The following PTPRK variants were observed in gnomAD, a reference collection of about 807,000 sequenced individuals.
PTPRK encodes the protein receptor-type tyrosine-protein phosphatase kappa.
PTPRK carries 75 observed loss-of-function variants against 178.0 expected under a neutral mutation model. The ratio of observed to expected loss-of-function variants is 0.42; its 90% CI spans 0.35 to 0.51. PTPRK has a LOEUF of 0.51. Among genes scored for constraint, PTPRK ranks in the 20% least tolerant of loss-of-function variants. PTPRK has a pLI of 0.02. For synonymous variants in PTPRK, 637 were observed against 620.6 expected (o/e 1.03, Z -0.39); for missense variants, 1,441 against 1,797.8 (o/e 0.80, Z 3.59).
chr6:128,130,062 T>C (rs1793979860), intron 7 of PTPRK, among the ~76,000 whole-genome samples: 1 of 152,178 alleles, frequency 6.6e-6, no homozygotes, highest in African/African-American at 2.4e-5. Flanking sequence ...GTTAGAGTTA[T>C]GATATGGTAT....
chr6:128,440,602 TGC>T (rs1387788229), intron 1 of PTPRK, among the ~76,000 whole-genome samples: 11 of 152,316 alleles, frequency 7.2e-5, no homozygotes, highest in African/African-American at 2.6e-4. Context: ...TATATCTGTA[TGC>T]GTGTGTGTAT....
chr6:128,045,466 C>T (rs1001881653), intron 13 of PTPRK, among the ~76,000 whole-genome samples: 4 of 151,950 alleles, frequency 2.6e-5, no homozygotes, highest in Admixed American at 1.3e-4. Flanking sequence ...AAGTTTTCTT[C>T]CTGTATTTTG....
At chr6:128,016,730 C>T (rs889072369) in intron 13 of PTPRK, among the ~76,000 whole-genome samples, 1 of 151,710 alleles carries the variant, frequency 6.6e-6, no homozygotes, top group Non-Finnish European at 1.5e-5. Context: ...TTCAAAAATC[C>T]TCTTTTTTAT....
chr6:128,361,794 C>A (rs979623943), intron 2 of PTPRK, among the ~76,000 whole-genome samples: 3 of 152,096 alleles, frequency 2.0e-5, no homozygotes, highest in Non-Finnish European at 4.4e-5. Context: ...TTGACCAAAA[C>A]ATCATTATGT....
chr6:128,074,295 T>C (rs187602418), intron 11 of PTPRK, among the ~76,000 whole-genome samples: 1 of 152,206 alleles, frequency 6.6e-6, no homozygotes, highest in African/African-American at 2.4e-5. Context: ...TATTCATTTA[T>C]TAACTTTACA....
chr6:128,341,305 T>C (rs1831627809), intron 2 of PTPRK, among the ~76,000 whole-genome samples: 3 of 152,170 alleles, frequency 2.0e-5, no homozygotes, highest in African/African-American at 4.8e-5. Flanking sequence ...GTTAAAAATA[T>C]GTAATTTTTT....
At chr6:128,105,736 A>G (rs1375954666) in intron 7 of PTPRK, among the ~76,000 whole-genome samples, 3 of 152,214 alleles carry the variant, frequency 2.0e-5, no homozygotes, top group African/African-American at 7.2e-5. Flanking sequence ...GTTACACTCT[A>G]GAACAGATGC....
At chr6:128,015,612 A>T (rs911858773) in intron 13 of PTPRK, among the ~76,000 whole-genome samples, 1 of 151,782 alleles carries the variant, frequency 6.6e-6, no homozygotes, top group Non-Finnish European at 1.5e-5. Context: ...CAAGAGGAAA[A>T]GGCAAAAGTT....
At chr6:128,467,614 T>A (rs1211453303) in intron 1 of PTPRK, among the ~76,000 whole-genome samples, 1 of 152,234 alleles carries the variant, frequency 6.6e-6, no homozygotes, top group African/African-American at 2.4e-5. Context: ...GATCACTTAC[T>A]TCTCTTCATG....
At chr6:128,470,204 G>C (rs1279374604) in intron 1 of PTPRK, among the ~76,000 whole-genome samples, 1 of 151,522 alleles carries the variant, frequency 6.6e-6, no homozygotes, top group African/African-American at 2.4e-5. Context: ...GGAACTCATG[G>C]TCTATTTCAG....
intron 2 of PTPRK, among the ~76,000 whole-genome samples, chr6:128,336,765 CT>C (rs1363977736): frequency 6.6e-6 from 1 of 152,118 alleles, no homozygotes; most frequent in Admixed American, 6.6e-5. Flanking sequence ...ACTTCTTTTC[CT>C]TTACAATGAT....
At chr6:128,291,654 G>C (rs1408673736) in intron 3 of PTPRK, among the ~76,000 whole-genome samples, 9 of 152,054 alleles carry the variant, frequency 5.9e-5, no homozygotes, top group Admixed American at 5.2e-4. Flanking sequence ...TGGTTATAAT[G>C]AGCAATCTCT....
intron 13 of PTPRK, among the ~76,000 whole-genome samples, chr6:128,046,867 C>T (rs1778110440): frequency 6.6e-6 from 1 of 152,078 alleles, no homozygotes; most frequent in African/African-American, 2.4e-5. Context: ...ATGGAGCTTC[C>T]ACAGTTTTAC....
chr6:128,109,026 A>T (rs1376086695), intron 7 of PTPRK, among the ~76,000 whole-genome samples: 1 of 152,122 alleles, frequency 6.6e-6, no homozygotes, highest in Non-Finnish European at 1.5e-5. Context: ...ATTTTGGGGG[A>T]ACACAAACAT....
intron 1 of PTPRK, among the ~76,000 whole-genome samples, chr6:128,458,585 G>A (rs1052509125): frequency 2.6e-5 from 4 of 152,162 alleles, no homozygotes; most frequent in African/African-American, 9.6e-5. Context: ...GTGCGCATGT[G>A]CACACGCACA....
chr6:128,221,947 C>T (rs944601109), intron 5 of PTPRK, among the ~76,000 whole-genome samples: 2 of 152,046 alleles, frequency 1.3e-5, no homozygotes, highest in Admixed American at 6.6e-5. Flanking sequence ...CATTTCCATA[C>T]AATCTTCCTA....
chr6:128,520,108 T>C, intron 1 of PTPRK, 151 bp downstream of exon 1: 1 of 627,670 alleles, frequency 1.6e-6, no homozygotes, highest in Admixed American at 3.1e-5. Context: ...GCACGAACTC[T>C]GGGGACAGCC....
At chr6:128,318,401 C>T (rs185283769) in intron 3 of PTPRK, among the ~76,000 whole-genome samples, 1 of 152,184 alleles carries the variant, frequency 6.6e-6, no homozygotes, top group Non-Finnish European at 1.5e-5. Flanking sequence ...AACAGAAAAT[C>T]TCATGCCTGT....
At chr6:128,503,835 G>GTTA (rs1436099635) in intron 1 of PTPRK, among the ~76,000 whole-genome samples, 1 of 126,154 alleles carries the variant, frequency 7.9e-6, no homozygotes, top group Non-Finnish European at 1.6e-5. Context: ...ACTATGCCTG[G>GTTA]TTATTATTGT....
Sources: allele counts gnomAD v4.1 joint callset (sites outside exome capture counted in the v4.1 genomes callset), GRCh38; gene constraint gnomAD v4.1.1; transcripts MANE v1.5; gene names NCBI Gene and HGNC (gene_info 2026-07-23, HGNC 2026-07-21).